Variants in CAMSAP2 observed in about 807,000 individuals in gnomAD.
CAMSAP2 encodes calmodulin-regulated spectrin-associated protein 2.
Under a neutral mutation model 146.1 loss-of-function variants are expected in CAMSAP2, and 26 were observed. The ratio of observed to expected loss-of-function variants is 0.18; its 90% CI spans 0.13 to 0.25. The LOEUF (loss-of-function observed/expected upper bound fraction) is 0.25. Ranked by LOEUF, CAMSAP2 falls within the 10% of genes least tolerant of loss-of-function variation. The pLI, the probability that CAMSAP2 is intolerant of heterozygous loss-of-function variation, is 1.00. For synonymous variants in CAMSAP2, 499 were observed against 596.6 expected, an observed-to-expected ratio of 0.84 and a Z score of 2.38; for missense variants, 1,381 against 1,759.3, an observed-to-expected ratio of 0.78 and a Z score of 3.85.
chr1:200,847,909 A>C, intron 10 of CAMSAP2, 123 bp from the exon 11 acceptor site: 1 of 838,404 alleles, frequency 1.2e-6, no homozygotes, highest in Non-Finnish European at 1.8e-6. Context: ...CTTACCTTGA[A>C]GACAGTATGA....
At chr1:200,803,967 C>T (rs1477086231) in intron 2 of CAMSAP2, among the ~76,000 whole-genome samples, 1 of 151,728 alleles carries the variant, frequency 6.6e-6, no homozygotes, top group Non-Finnish European at 1.5e-5. Context: ...TGCTCTGTTG[C>T]CCAGGCTGGA....
At chr1:200,854,355 C>G (rs552152422) in intron 13 of CAMSAP2, among the ~76,000 whole-genome samples, 5 of 152,172 alleles carry the variant, frequency 3.3e-5, no homozygotes, top group Admixed American at 6.5e-5. Context: ...TTATTAAAAC[C>G]AAATGCCATG....
At chr1:200,851,852 G>C (rs1667627209) in intron 11 of CAMSAP2, among the ~76,000 whole-genome samples, 1 of 152,210 alleles carries the variant, frequency 6.6e-6, no homozygotes, top group Non-Finnish European at 1.5e-5. Flanking sequence ...TTCTACAACA[G>C]CTTGTTACTT....
At position 200,816,605 on chromosome 1, in the gene CAMSAP2, A is replaced by ATAT. The variant is rs1553288218; in HGVS notation, c.645+961_645+962insTAT. Among the ~76,000 whole-genome samples, 458 of 111,184 alleles carry ATAT rather than the reference A, an allele frequency of 4.1e-3. 15 individuals are homozygous for ATAT. The highest frequency in any genetic ancestry group is 0.024 in the East Asian group (95 of 3,950). The allele number at this position is 111,184 out of a possible 152,430, so 72.9% of individuals were successfully genotyped here. ...GCAAAACTTCATCTCAAAAAAAAAA[A>ATAT]ATATATATATATATATATATGTATA... On this transcript the variant is annotated intron_variant, in intron 4 of 16. Coordinates refer to ENST00000358823, the MANE Select transcript of CAMSAP2 (RefSeq NM_203459.4).
At chr1:200,812,068 C>A (rs756263432) in intron 3 of CAMSAP2, among the ~76,000 whole-genome samples, 2 of 152,166 alleles carry the variant, frequency 1.3e-5, no homozygotes, top group African/African-American at 4.8e-5. Flanking sequence ...GTTTTCTATA[C>A]CCTAACACTC....
intron 2 of CAMSAP2, among the ~76,000 whole-genome samples, chr1:200,779,073 C>A (rs542831948): frequency 6.6e-6 from 1 of 152,160 alleles, no homozygotes; most frequent in South Asian, 2.1e-4. Context: ...CTGTGAGAAA[C>A]CATGGAGTTA....
intron 2 of CAMSAP2, among the ~76,000 whole-genome samples, chr1:200,774,344 T>C (rs530917644): frequency 1.3e-5 from 2 of 152,294 alleles, no homozygotes; most frequent in South Asian, 2.1e-4. Context: ...AGATTCCTTC[T>C]CAGCCTGTAC....
At position 200,842,182 on chromosome 1, in the gene CAMSAP2, A is replaced by AT. The variant is rs1667340128; in HGVS notation, c.1021+97dup. 5 of 901,992 alleles carry AT rather than the reference A, an allele frequency of 5.5e-6. No homozygotes were observed. In the South Asian group the frequency reaches 7.7e-5, roughly 14 times the overall value. 55.9% of individuals were successfully genotyped at this position (901,992 alleles called of 1,614,324 possible). On this transcript the variant is annotated intron_variant, in intron 7 of 16. Coordinates refer to ENST00000358823, the MANE Select transcript of CAMSAP2 (RefSeq NM_203459.4). ...TGGTTACATTTTTAGAAATCAGCCT[A>AT]TTATTTTTTTTTTAGATTTCAGCTA...
chr1:200,852,101 GTTTCA>G (rs1667634292), intron 11 of CAMSAP2, among the ~76,000 whole-genome samples: 1 of 152,148 alleles, frequency 6.6e-6, no homozygotes, highest in Non-Finnish European at 1.5e-5. Flanking sequence ...TGCAGCAATA[GTTTCA>G]TTTATGTGCT....
chr1:200,855,962 C>T (rs553048269), intron 14 of CAMSAP2, 48 bp from the exon 15 acceptor site: 1 of 1,288,938 alleles, frequency 7.8e-7, no homozygotes, highest in East Asian at 2.3e-5. Flanking sequence ...CTCTGGGCCC[C>T]ATTTTTTCTC....
At chr1:200,761,793 A>G (rs1664810560) in intron 2 of CAMSAP2, among the ~76,000 whole-genome samples, 1 of 151,960 alleles carries the variant, frequency 6.6e-6, no homozygotes, top group Non-Finnish European at 1.5e-5. Context: ...AAATTTCTGC[A>G]TATCAGATAT....
At chr1:200,798,070 T>G (rs1338437198) in intron 2 of CAMSAP2, among the ~76,000 whole-genome samples, 8 of 149,824 alleles carry the variant, frequency 5.3e-5, no homozygotes, top group African/African-American at 2.0e-4. Flanking sequence ...TTTTGGTTAC[T>G]GTAGCCTTGT....
chr1:200,768,831 T>G (rs1362722974), intron 2 of CAMSAP2, among the ~76,000 whole-genome samples: 1 of 152,054 alleles, frequency 6.6e-6, no homozygotes, highest in Non-Finnish European at 1.5e-5. Flanking sequence ...TTTTTGTATT[T>G]TTAGTAGAGA....
chr1:200,771,872 T>G (rs1665126259), intron 2 of CAMSAP2, among the ~76,000 whole-genome samples: 1 of 152,194 alleles, frequency 6.6e-6, no homozygotes, highest in Non-Finnish European at 1.5e-5. Flanking sequence ...AGCTTAGTGT[T>G]TTGGCTCTTC....
Position 200,857,828 on chromosome 1 carries a change from C to T in CAMSAP2, c.4206C>T (p.Tyr1402=), listed in dbSNP as rs768311086. Residue 1402 remains tyrosine (Y), a synonymous_variant, in exon 17 of 17, where the codon TAC becomes TAT. Transcript: ENST00000358823. This position sits in a 1 kb window ranked among gnomAD's most constrained non-coding sequence, Gnocchi z 4.7. The part of the protein sequence containing the change: ...RDSGCQFRSL[Y]TYCPETEEIN... ...CAGGATGCCAGTTCAGATCTTTATACACTTATTGCCCAGAAACTGAAGAAA... is the reference window on the plus strand; with the variant it reads ...CAGGATGCCAGTTCAGATCTTTATATACTTATTGCCCAGAAACTGAAGAAA... The T allele has an allele frequency of 3.1e-6, 5 of 1,613,600 alleles. No homozygotes were observed. The highest frequency in any genetic ancestry group is 1.7e-5 in the Admixed American group (1 of 59,976).
intron 2 of CAMSAP2, among the ~76,000 whole-genome samples, chr1:200,784,939 T>C (rs935679205): frequency 1.3e-5 from 2 of 152,220 alleles, no homozygotes; most frequent in African/African-American, 2.4e-5. Flanking sequence ...TGCTAAGAAA[T>C]ATATGTATGT....
rs769242505 is a variant in CAMSAP2, at chr1:200,832,378, A to G, written c.787+37A>G. ...ATTGTAATACTTCTGAACTGTAGAC[A>G]GATAGTAACCAATATTTAAGACAGT... On this transcript the variant is annotated intron_variant, in intron 5 of 16. Transcript: ENST00000358823. This position sits in a 1 kb window ranked among gnomAD's most constrained non-coding sequence, Gnocchi z 4.2. 5.7e-6 allele frequency: 9 copies of G among 1,569,502 alleles called. No individual in the cohort carries two copies. Among genetic ancestry groups the G allele is most frequent in the Non-Finnish European group, 7.8e-6 (9 of 1,158,092 alleles).
At chr1:200,750,129 A>AG (rs980992505) in intron 1 of CAMSAP2, among the ~76,000 whole-genome samples, 1 of 152,152 alleles carries the variant, frequency 6.6e-6, no homozygotes, top group African/African-American at 2.4e-5. Context: ...CGGGGAGCAG[A>AG]GTGAATGTGG....
rs746603547 is a variant in CAMSAP2 at position 200,847,288 on chromosome 1, C to G, written c.1188C>G (p.Ala396=). The change falls in exon 9 of 17, where the codon GCC becomes GCG. Residue 396 remains alanine (A), a synonymous_variant. Coordinates refer to ENST00000358823, the MANE Select transcript of CAMSAP2 (RefSeq NM_203459.4). ...RYSRPQAHSS[A]SGGIRRSSSM... ...CACGTCCCCAGGCTCATTCTTCAGC[C>G]TCAGGTAATATATTTGAAAAAGCCT... 1 of 1,605,926 alleles carries G rather than the reference C, an allele frequency of 6.2e-7. No individual in the cohort carries two copies. The highest frequency in any genetic ancestry group is 1.1e-5 in the South Asian group (1 of 90,560).
Sources: gnomAD v4.1 joint callset for allele counts (sites outside exome capture counted in the v4.1 genomes callset) on GRCh38, gnomAD v4.1.1 for gene constraint, Gnocchi (gnomAD v3.1) non-coding constraint, MANE v1.5 for transcripts, NCBI Gene and HGNC (gene_info 2026-07-23, HGNC 2026-07-21) for gene names.